Variants in SPIDR observed in about 807,000 individuals in gnomAD.
SPIDR encodes the protein scaffold protein involved in DNA repair.
SPIDR carries 93 observed loss-of-function variants against 104.6 expected under a neutral mutation model. The ratio of observed to expected loss-of-function variants is 0.89; its 90% CI spans 0.75 to 1.06. The LOEUF (loss-of-function observed/expected upper bound fraction) is 1.06. SPIDR is among the 50% of genes least tolerant of loss of function. The pLI is 0.00. For synonymous variants in SPIDR, 431 were observed against 416.9 expected (o/e 1.03, Z -0.41); for missense variants, 1,154 against 1,111.2 (o/e 1.04, Z -0.55).
chr8:47,295,041 C>T (rs1254419012), intron 5 of SPIDR, among the ~76,000 whole-genome samples: 2 of 152,096 alleles, frequency 1.3e-5, no homozygotes, highest in East Asian at 3.9e-4. Context: ...GCTACATCTT[C>T]TAGTTTAATA....
intron 19 of SPIDR, chr8:47,732,280 G>A: frequency 1.4e-6 from 1 of 691,676 alleles, no homozygotes; most frequent in Non-Finnish European, 2.6e-6. Flanking sequence ...AAAGGTGTGT[G>A]TACCTGAGTG....
chr8:47,606,653 G>A (rs941681493), intron 10 of SPIDR, among the ~76,000 whole-genome samples: 1 of 152,184 alleles, frequency 6.6e-6, no homozygotes, highest in Admixed American at 6.5e-5. Flanking sequence ...AGGGGCATTA[G>A]CCTTTGCATG....
intron 5 of SPIDR, among the ~76,000 whole-genome samples, chr8:47,381,649 G>A (rs1322179684): frequency 6.6e-5 from 10 of 152,196 alleles, no homozygotes; most frequent in African/African-American, 2.4e-4. Flanking sequence ...TCAGTAATTG[G>A]GTGGGAGGCC....
At chr8:47,595,296 A>C (rs768822952) in intron 8 of SPIDR, among the ~76,000 whole-genome samples, 54 of 152,344 alleles carry the variant, frequency 3.5e-4, no homozygotes, top group Middle Eastern at 3.4e-3. Flanking sequence ...GAGAAGAACC[A>C]GGAGAATTTT....
At chr8:47,595,460 A>T (rs2061537773) in intron 8 of SPIDR, among the ~76,000 whole-genome samples, 1 of 150,838 alleles carries the variant, frequency 6.6e-6, no homozygotes, top group Non-Finnish European at 1.5e-5. Flanking sequence ...TTTTATTTGT[A>T]CATTTTATTT....
chr8:47,380,390 G>T (rs1255795473), intron 5 of SPIDR, among the ~76,000 whole-genome samples: 1 of 152,180 alleles, frequency 6.6e-6, no homozygotes, highest in Non-Finnish European at 1.5e-5. Context: ...GATCACTGCA[G>T]ACAAGGTGCG....
intron 8 of SPIDR, among the ~76,000 whole-genome samples, chr8:47,450,390 G>A (rs539200733): frequency 6.6e-6 from 1 of 152,218 alleles, no homozygotes; most frequent in South Asian, 2.1e-4. Context: ...ATTCAGGAAG[G>A]TAGCACCCTC....
At chr8:47,555,407 T>C (rs1253182444) in intron 8 of SPIDR, among the ~76,000 whole-genome samples, 3 of 152,314 alleles carry the variant, frequency 2.0e-5, no homozygotes, top group East Asian at 3.9e-4. Context: ...CTCCAGTCCC[T>C]TGCATCACTA....
At chr8:47,656,597 T>G (rs1296247171) in intron 10 of SPIDR, among the ~76,000 whole-genome samples, 4 of 152,190 alleles carry the variant, frequency 2.6e-5, no homozygotes, top group African/African-American at 9.6e-5. Context: ...TGAGAAACAG[T>G]CTGGCAGTTC....
intron 11 of SPIDR, among the ~76,000 whole-genome samples, chr8:47,687,559 CA>C (rs923794416): frequency 2.0e-5 from 3 of 152,110 alleles, no homozygotes; most frequent in African/African-American, 7.2e-5. Context: ...TGAAATATAA[CA>C]AGCATATGAA....
chr8:47,586,915 C>A (rs1016787297), intron 8 of SPIDR, among the ~76,000 whole-genome samples: 1 of 152,110 alleles, frequency 6.6e-6, no homozygotes, highest in Non-Finnish European at 1.5e-5. Context: ...ACTACAGGCA[C>A]GTGCCAGCAC....
chr8:47,664,531 A>G (rs1450889535), intron 10 of SPIDR, among the ~76,000 whole-genome samples: 1 of 152,188 alleles, frequency 6.6e-6, no homozygotes, highest in Non-Finnish European at 1.5e-5. Flanking sequence ...TGTTGAAAAG[A>G]ACAACAACCA....
chr8:47,300,456 GTTCTACTCTGATCTTATTTC>G (rs1255941212), intron 5 of SPIDR, among the ~76,000 whole-genome samples: 5 of 152,178 alleles, frequency 3.3e-5, no homozygotes, highest in African/African-American at 9.6e-5. Flanking sequence ...ATTTCCTTCA[GTTCTACTCTGATCTTATTTC>G]TTGCCTCTGC....
intron 5 of SPIDR, among the ~76,000 whole-genome samples, chr8:47,335,091 T>C (rs1398015672): frequency 6.6e-6 from 1 of 152,214 alleles, no homozygotes; most frequent in Non-Finnish European, 1.5e-5. Flanking sequence ...TAAATACATA[T>C]AAGAGCATAC....
intron 8 of SPIDR, among the ~76,000 whole-genome samples, chr8:47,551,123 C>G (rs1420464976): frequency 6.6e-6 from 1 of 152,210 alleles, no homozygotes; most frequent in East Asian, 1.9e-4. Context: ...ATGAAGCCAA[C>G]TTGCTCGTGG....
At chr8:47,334,644 GTA>G (rs2049359189) in intron 5 of SPIDR, among the ~76,000 whole-genome samples, 1 of 152,104 alleles carries the variant, frequency 6.6e-6, no homozygotes, top group African/African-American at 2.4e-5. Context: ...TAGTTTATAT[GTA>G]TCTTTACATA....
chr8:47,454,385 C>T (rs1162194680), intron 8 of SPIDR, among the ~76,000 whole-genome samples: 4 of 151,924 alleles, frequency 2.6e-5, no homozygotes, highest in Admixed American at 6.6e-5. Flanking sequence ...GGACAAAAAA[C>T]CAAACACCGC....
At chr8:47,569,222 T>G (rs2058240719) in intron 8 of SPIDR, among the ~76,000 whole-genome samples, 1 of 152,092 alleles carries the variant, frequency 6.6e-6, no homozygotes, top group African/African-American at 2.4e-5. Context: ...CAAGAAGAGA[T>G]AACAGATATA....
chr8:47,575,067 G>A (rs1213657202), intron 8 of SPIDR, among the ~76,000 whole-genome samples: 2 of 152,008 alleles, frequency 1.3e-5, no homozygotes, highest in Non-Finnish European at 2.9e-5. Context: ...GATGTGATTG[G>A]TTCTTCATCC....
Sources: allele counts gnomAD v4.1 joint callset (sites outside exome capture counted in the v4.1 genomes callset), GRCh38; gene constraint gnomAD v4.1.1; transcripts MANE v1.5; gene names NCBI Gene and HGNC (gene_info 2026-07-23, HGNC 2026-07-21).